Variants in MAPK4 observed in about 807,000 individuals in gnomAD.
MAPK4 encodes Erk3-related.
A neutral mutation model predicts 47.7 loss-of-function variants in MAPK4; 22 were observed. That is an observed-to-expected ratio of 0.46 (90% confidence interval 0.33 to 0.66). The LOEUF is 0.66. Ranked by LOEUF, MAPK4 falls within the 30% of genes least tolerant of loss-of-function variation. The pLI is 0.02. For missense variants in MAPK4, 736 were observed against 831.7 expected (o/e 0.88, Z 1.42); for synonymous variants, 390 against 365.7 (o/e 1.07, Z -0.76).
chr18:50,725,932 G>C (rs914781415), intron 4 of MAPK4, 30 bp from the exon 5 acceptor site: 9 of 1,580,086 alleles, frequency 5.7e-6, no homozygotes, highest in African/African-American at 1.3e-5. Flanking sequence ...GGCAACAAAT[G>C]ACCTTCATGT....
intron 1 of MAPK4, among the ~76,000 whole-genome samples, chr18:50,590,177 G>C (rs754217435): frequency 5.3e-5 from 8 of 152,212 alleles, no homozygotes; most frequent in Non-Finnish European, 1.2e-4. Flanking sequence ...CTGACTAGCT[G>C]TGATGAGGAA....
intron 1 of MAPK4, among the ~76,000 whole-genome samples, chr18:50,615,912 T>G (rs1245916462): frequency 6.6e-6 from 1 of 152,134 alleles, no homozygotes; most frequent in Admixed American, 6.5e-5. Context: ...TGGGTTCAAA[T>G]CTACAACCAG....
At chr18:50,675,681 G>A (rs1908224261) in intron 2 of MAPK4, among the ~76,000 whole-genome samples, 3 of 152,042 alleles carry the variant, frequency 2.0e-5, no homozygotes, top group Admixed American at 6.5e-5. Flanking sequence ...TAGTAGAGGC[G>A]GGGTTTCATC....
chr18:50,694,825 A>G (rs1487413381), intron 2 of MAPK4, among the ~76,000 whole-genome samples: 1 of 152,168 alleles, frequency 6.6e-6, no homozygotes, highest in East Asian at 1.9e-4. Context: ...AGGCATCCAG[A>G]TGTTAGTCAT....
intron 2 of MAPK4, among the ~76,000 whole-genome samples, chr18:50,683,270 C>T (rs372636162): frequency 5.3e-5 from 8 of 152,194 alleles, no homozygotes; most frequent in African/African-American, 1.9e-4. Context: ...CAGGCAAGCA[C>T]CACCATGCCC....
intron 1 of MAPK4, among the ~76,000 whole-genome samples, chr18:50,635,837 C>A (rs372706639): frequency 6.6e-6 from 1 of 152,078 alleles, no homozygotes; most frequent in African/African-American, 2.4e-5. Flanking sequence ...CCCCATGGTT[C>A]GGTCCACAAG....
chr18:50,592,615 C>T (rs1201665548), intron 1 of MAPK4, among the ~76,000 whole-genome samples: 1 of 152,158 alleles, frequency 6.6e-6, no homozygotes, highest in Non-Finnish European at 1.5e-5. Context: ...GATTTCCTTA[C>T]CCGAATTAGA....
At chr18:50,641,406 T>C (rs1191879628) in intron 1 of MAPK4, among the ~76,000 whole-genome samples, 2,673 of 152,270 alleles carry the variant, frequency 0.018, 79 homozygotes, top group African/African-American at 0.061. Flanking sequence ...GATTTGAACT[T>C]TTTAAAAAAT....
intron 1 of MAPK4, among the ~76,000 whole-genome samples, chr18:50,562,712 A>G (rs1179386754): frequency 6.6e-6 from 1 of 152,238 alleles, no homozygotes; most frequent in East Asian, 1.9e-4. Flanking sequence ...TCCATTAGCA[A>G]ATATTTGAGT....
intron 1 of MAPK4, among the ~76,000 whole-genome samples, chr18:50,603,103 CA>C (rs2042554224): frequency 6.6e-6 from 1 of 152,148 alleles, no homozygotes; most frequent in Non-Finnish European, 1.5e-5. Context: ...CTGGAGGTTA[CA>C]GATAGTTACT....
intron 1 of MAPK4, among the ~76,000 whole-genome samples, chr18:50,626,889 G>A (rs763812242): frequency 6.6e-6 from 1 of 152,156 alleles, no homozygotes; most frequent in Non-Finnish European, 1.5e-5. Context: ...TTTGTCAAGG[G>A]AGCCCCTCTG....
In MAPK4 at chr18:50,644,370, G is replaced by A. The variant is rs16952293; in HGVS notation, c.-870-18719G>A. 4.5e-3 allele frequency among the ~76,000 whole-genome samples: 683 copies of A among 152,130 alleles called. 2 individuals are homozygous for A. Among genetic ancestry groups the A allele is most frequent in the African/African-American group, 0.016 (665 of 41,496 alleles). On this transcript the variant is annotated intron_variant, in intron 1 of 5. Transcript: ENST00000400384. ...GTGGCAAGGATCCACTAGCTGGCTG[G>A]GGACAAAGTCACACTTGCCATTGGG...
At chr18:50,590,950 C>A (rs898207605) in intron 1 of MAPK4, among the ~76,000 whole-genome samples, 3 of 152,204 alleles carry the variant, frequency 2.0e-5, no homozygotes, top group African/African-American at 7.2e-5. Flanking sequence ...AATAGCCACA[C>A]AAGCTGTGCA....
At chr18:50,574,387 A>C (rs1055134092) in intron 1 of MAPK4, among the ~76,000 whole-genome samples, 4 of 152,194 alleles carry the variant, frequency 2.6e-5, no homozygotes, top group Non-Finnish European at 1.5e-5. Flanking sequence ...TTCACAAGAG[A>C]ATTAGAATCA....
At chr18:50,609,074 G>T (rs1448605302) in intron 1 of MAPK4, among the ~76,000 whole-genome samples, 4 of 152,106 alleles carry the variant, frequency 2.6e-5, no homozygotes, top group South Asian at 2.1e-4. Flanking sequence ...CAAGGCAGAA[G>T]AATTTTTCTT....
intron 1 of MAPK4, among the ~76,000 whole-genome samples, chr18:50,605,268 G>A (rs1394594081): frequency 6.6e-6 from 1 of 152,186 alleles, no homozygotes; most frequent in East Asian, 1.9e-4. Flanking sequence ...ATGGGCACTG[G>A]GGAAACATCT....
chr18:50,626,999 AG>A (rs1340158861), intron 1 of MAPK4, among the ~76,000 whole-genome samples: 1 of 151,930 alleles, frequency 6.6e-6, no homozygotes, highest in Non-Finnish European at 1.5e-5. Context: ...TGTGAAGGGA[AG>A]GGAGAGTATC....
At chr18:50,697,687 C>T (rs1250797450) in intron 2 of MAPK4, among the ~76,000 whole-genome samples, 2 of 152,154 alleles carry the variant, frequency 1.3e-5, no homozygotes, top group African/African-American at 4.8e-5. Flanking sequence ...GAAGCTGTCA[C>T]TTGGGCCACA....
In MAPK4 at chr18:50,642,890, C is replaced by T. The variant is rs145375327; in HGVS notation, c.-870-20199C>T. Among the ~76,000 whole-genome samples, 886 of 152,328 alleles carry T rather than the reference C, an allele frequency of 5.8e-3. 6 individuals are homozygous for T. The highest frequency in any genetic ancestry group is 6.2e-3 in the Non-Finnish European group (423 of 68,044). ...AAAACGCTGGGATTATAGGCATAAG[C>T]CACCACGCCTGTCCTGCAGCATATT... On this transcript the variant is annotated intron_variant, in intron 1 of 5. Transcript: ENST00000400384.
Sources: gnomAD v4.1 joint callset for allele counts (sites outside exome capture counted in the v4.1 genomes callset) on GRCh38, gnomAD v4.1.1 for gene constraint, MANE v1.5 for transcripts, NCBI Gene and HGNC (gene_info 2026-07-23, HGNC 2026-07-21) for gene names.